The following HS6ST2 variants were observed in gnomAD, a reference collection of about 807,000 sequenced individuals.
HS6ST2 encodes the protein heparan-sulfate 6-O-sulfotransferase 2.
HS6ST2 carries 17 observed loss-of-function variants against 33.0 expected under a neutral mutation model. The observed-to-expected ratio is 0.52, with a 90% confidence interval of 0.35 to 0.77. The LOEUF (loss-of-function observed/expected upper bound fraction) is 0.77. Ranked by LOEUF, HS6ST2 falls within the 30% of genes least tolerant of loss-of-function variation. The pLI is 0.01. For missense variants in HS6ST2, 519 were observed against 551.7 expected, an observed-to-expected ratio of 0.94 and a Z score of 0.59; for synonymous variants, 248 against 237.1, an observed-to-expected ratio of 1.05 and a Z score of -0.42.
At chrX:132,774,017 T>C (rs1161425538) in intron 2 of HS6ST2, among the ~76,000 whole-genome samples, 1 of 112,362 alleles carries the variant, frequency 8.9e-6, no homozygotes, top group Admixed American at 9.4e-5. Context: ...AAACTCAATA[T>C]GAAATGGATG....
chrX:132,701,691 C>T (rs1028471603), intron 3 of HS6ST2, among the ~76,000 whole-genome samples: 1 of 111,825 alleles, frequency 8.9e-6, no homozygotes, highest in Admixed American at 9.5e-5. Flanking sequence ...TAACTCCTAC[C>T]TCAGTTCCTA....
chrX:132,628,257 T>C lies in HS6ST2; in HGVS notation c.1904A>G (p.Asn635Ser). 1.7e-6 allele frequency: 2 copies of C among 1,166,771 alleles called. No individual in the cohort carries two copies. Among genetic ancestry groups the C allele is most frequent in the Non-Finnish European group, 2.3e-6 (2 of 872,225 alleles). Residue 635 changes from asparagine (N) to serine (S), a missense_variant, in exon 5 of 5, where the codon AAC becomes AGC. By Grantham distance (46) the Asn-to-Ser change is conservative. Transcript: ENST00000370833. ...EQNDNTSNGT[N>S]DYIGSVEKWR is the part of the protein sequence containing the mutation. ...TTTCTCTACACTGCCTATGTAGTCG[T>C]TGGTGCCATTGCTGGTGTTATCATT...
intron 4 of HS6ST2, among the ~76,000 whole-genome samples, chrX:132,637,742 TAA>T (rs1347027401): frequency 7.6e-5 from 6 of 79,205 alleles, no homozygotes; most frequent in African/African-American, 2.9e-4. Flanking sequence ...TATATATATA[TAA>T]AAAATATATA....
intron 2 of HS6ST2, among the ~76,000 whole-genome samples, chrX:132,831,311 T>TA (rs1298504230): frequency 2.8e-4 from 31 of 110,391 alleles, no homozygotes; most frequent in African/African-American, 9.3e-4. Context: ...CTTTGTAGCA[T>TA]AAAACAAAAC....
chrX:132,809,522 G>C (rs1018257439), intron 2 of HS6ST2, among the ~76,000 whole-genome samples: 8 of 111,863 alleles, frequency 7.2e-5, no homozygotes, highest in Admixed American at 2.9e-4. Flanking sequence ...CCTGAGCTCA[G>C]GCATTACCTG....
intron 2 of HS6ST2, among the ~76,000 whole-genome samples, chrX:132,883,595 A>G (rs2066210060): frequency 1.8e-5 from 2 of 111,174 alleles, no homozygotes; most frequent in South Asian, 7.7e-4. Flanking sequence ...AAAAGACTCC[A>G]TCTTACATTT....
At chrX:132,956,128 G>GA (rs2067068596) in intron 2 of HS6ST2, among the ~76,000 whole-genome samples, 1 of 112,113 alleles carries the variant, frequency 8.9e-6, no homozygotes, top group African/African-American at 3.2e-5. Flanking sequence ...AATAGCGACA[G>GA]AGGGACACCC....
At chrX:132,662,319 A>T (rs769716563) in intron 4 of HS6ST2, among the ~76,000 whole-genome samples, 31 of 111,870 alleles carry the variant, frequency 2.8e-4, no homozygotes, top group African/African-American at 9.7e-4. Flanking sequence ...CGTGGAAAAA[A>T]ATAGCATACT....
chrX:132,788,756 A>G (rs1482794015), intron 2 of HS6ST2, among the ~76,000 whole-genome samples: 2 of 112,929 alleles, frequency 1.8e-5, no homozygotes, highest in Non-Finnish European at 3.7e-5. Context: ...ACAAATGATA[A>G]GAAAGCAAAA....
At chrX:132,864,263 A>G (rs1376211496) in intron 2 of HS6ST2, among the ~76,000 whole-genome samples, 1 of 109,792 alleles carries the variant, frequency 9.1e-6, no homozygotes, top group Non-Finnish European at 1.9e-5. Context: ...GGACGAATTG[A>G]CAGAAGTAGG....
At chrX:132,722,126 T>C (rs1346202341) in intron 2 of HS6ST2, among the ~76,000 whole-genome samples, 3 of 101,656 alleles carry the variant, frequency 3.0e-5, no homozygotes, top group Non-Finnish European at 5.9e-5. Context: ...AGGCGGAGCT[T>C]GCAATGAGTG....
intron 4 of HS6ST2, among the ~76,000 whole-genome samples, chrX:132,639,183 A>G (rs1479695532): frequency 4.5e-5 from 5 of 112,320 alleles, no homozygotes; most frequent in Non-Finnish European, 9.4e-5. Flanking sequence ...TCTTTTTAAA[A>G]GAAATCACTC....
intron 2 of HS6ST2, among the ~76,000 whole-genome samples, chrX:132,781,329 C>A (rs2065015259): frequency 8.9e-6 from 1 of 111,974 alleles, no homozygotes; most frequent in African/African-American, 3.2e-5. Flanking sequence ...GTGTCTACTT[C>A]TCCCTTGCAG....
intron 2 of HS6ST2, among the ~76,000 whole-genome samples, chrX:132,899,804 T>C (rs1337138410): frequency 1.8e-5 from 2 of 111,900 alleles, no homozygotes; most frequent in African/African-American, 6.5e-5. Flanking sequence ...CAAATCATTA[T>C]CTAAGTACTG....
chrX:132,878,360 G>T (rs146410813), intron 2 of HS6ST2, among the ~76,000 whole-genome samples: 1 of 111,976 alleles, frequency 8.9e-6, no homozygotes, highest in South Asian at 3.8e-4. Flanking sequence ...CTGTGGGCAT[G>T]CCCAGGCAAG....
At chrX:132,646,764 G>A (rs1023623927) in intron 4 of HS6ST2, among the ~76,000 whole-genome samples, 3 of 110,744 alleles carry the variant, frequency 2.7e-5, no homozygotes, top group East Asian at 5.7e-4. Context: ...AGACATACCC[G>A]AGACTGGGTA....
intron 4 of HS6ST2, among the ~76,000 whole-genome samples, chrX:132,636,478 C>A (rs1466254010): frequency 8.9e-6 from 1 of 111,776 alleles, no homozygotes; most frequent in Non-Finnish European, 1.9e-5. Flanking sequence ...ATTTTTTATT[C>A]TCCTTTTAAT....
intron 3 of HS6ST2, among the ~76,000 whole-genome samples, chrX:132,701,999 C>A (rs1007052053): frequency 2.4e-4 from 27 of 112,253 alleles, no homozygotes; most frequent in Non-Finnish European, 5.1e-4. Context: ...TAAAACAAGA[C>A]ACAATGTTTT....
At chrX:132,648,548 A>C (rs1428969943) in intron 4 of HS6ST2, among the ~76,000 whole-genome samples, 2 of 110,469 alleles carry the variant, frequency 1.8e-5, no homozygotes, top group Non-Finnish European at 3.8e-5. Flanking sequence ...CAAAAAAAAA[A>C]AAAAAAAAGG....
Sources: gnomAD v4.1 joint callset for allele counts (sites outside exome capture counted in the v4.1 genomes callset) on GRCh38, gnomAD v4.1.1 for gene constraint, MANE v1.5 for transcripts, NCBI Gene and HGNC (gene_info 2026-07-23, HGNC 2026-07-21) for gene names.